The following CTNNA3 variants were observed in gnomAD, a reference collection of about 807,000 sequenced individuals.
The protein encoded by CTNNA3 is catenin alpha 3, also known as catenin alpha-3.
A neutral mutation model predicts 95.7 loss-of-function variants in CTNNA3; 76 were observed. That is an observed-to-expected ratio of 0.79 (90% CI 0.66 to 0.96). The LOEUF is 0.96. Ranked by LOEUF, CTNNA3 falls within the 40% of genes least tolerant of loss-of-function variation. The probability of loss-of-function intolerance (pLI) is 0.00; values close to 1 mark genes in which losing one functional copy is unlikely to be tolerated. For missense variants in CTNNA3, 1,191 were observed against 1,089.8 expected (o/e 1.09, Z -1.31); for synonymous variants, 431 against 374.4 (o/e 1.15, Z -1.74).
At chr10:66,736,707 A>G (rs1372027893) in intron 9 of CTNNA3, among the ~76,000 whole-genome samples, 2 of 151,972 alleles carry the variant, frequency 1.3e-5, no homozygotes, top group Non-Finnish European at 2.9e-5. Flanking sequence ...TATTTACAAT[A>G]TATATTTTAA....
chr10:67,390,324 C>G (rs1298872462), intron 5 of CTNNA3, among the ~76,000 whole-genome samples: 1 of 152,058 alleles, frequency 6.6e-6, no homozygotes, highest in Non-Finnish European at 1.5e-5. Flanking sequence ...ATAAATTCCT[C>G]GACACATACA....
At chr10:67,168,793 A>G (rs1317484587) in intron 7 of CTNNA3, among the ~76,000 whole-genome samples, 1 of 152,208 alleles carries the variant, frequency 6.6e-6, no homozygotes, top group Non-Finnish European at 1.5e-5. Context: ...CAATCACGCA[A>G]GAGAAAGAAA....
At chr10:67,235,517 G>C (rs1335145632) in intron 5 of CTNNA3, among the ~76,000 whole-genome samples, 1 of 150,248 alleles carries the variant, frequency 6.7e-6, no homozygotes, top group African/African-American at 2.5e-5. Context: ...ATCAATTCAA[G>C]ATGGATTAAA....
intron 13 of CTNNA3, among the ~76,000 whole-genome samples, chr10:66,218,696 T>C (rs909828303): frequency 6.6e-6 from 1 of 152,222 alleles, no homozygotes; most frequent in Non-Finnish European, 1.5e-5. Flanking sequence ...ACAGCAAATA[T>C]ATATTTTGAC....
chr10:67,485,846 A>G lies in CTNNA3; in HGVS notation c.579+35996T>C, dbSNP rs540615351. Among the ~76,000 whole-genome samples the G allele has an allele frequency of 4.6e-5, 7 of 152,308 alleles. No individual in the cohort carries two copies. In the South Asian group the frequency reaches 1.0e-3, roughly 23 times the overall value. On this transcript the variant is annotated intron_variant, in intron 5 of 17. Coordinates refer to ENST00000433211, the MANE Select transcript of CTNNA3 (RefSeq NM_013266.4). Reference sequence around the variant, plus strand: ...GAAAAGCTTTCCTTCAAATAAGTCAACTAGACGTCTCTTCCTTTTAAAGCC... The same window carrying G: ...GAAAAGCTTTCCTTCAAATAAGTCAGCTAGACGTCTCTTCCTTTTAAAGCC...
rs188405091 is a variant in CTNNA3, at chr10:66,500,492, T to A, written c.1531+20125A>T. Reference sequence around the variant, plus strand: ...AATTTTAAATAAGTAGATTTTCTGATCTAGTTTAAGAAGAAAGGGTCAAGT... The same window carrying A: ...AATTTTAAATAAGTAGATTTTCTGAACTAGTTTAAGAAGAAAGGGTCAAGT... On this transcript the variant is annotated intron_variant, in intron 11 of 17. Transcript: ENST00000433211. 2.6e-5 allele frequency among the ~76,000 whole-genome samples: 4 copies of A among 152,286 alleles called. No individual in the cohort carries two copies. In the East Asian group the frequency reaches 7.7e-4, roughly 29 times the overall value.
chr10:67,665,629 A>G (rs888605390), intron 1 of CTNNA3: 1 of 152,182 alleles, frequency 6.6e-6, no homozygotes, highest in African/African-American at 2.4e-5. Context: ...TGCCACTATC[A>G]TGGCTCACAA....
At chr10:66,238,038 G>A (rs4745893) in intron 13 of CTNNA3, among the ~76,000 whole-genome samples, 122,780 of 151,958 alleles carry the variant, frequency 0.81, 49,926 homozygotes, top group South Asian at 0.94. Flanking sequence ...TCAAATTCAT[G>A]CTACTTGAAG....
rs1370188504 is a variant in CTNNA3 at position 66,851,564 on chromosome 10, A to G, written c.1048-76040T>C. ...ATCCGCGTGGTGCTCTACTCATGAT[A>G]GTGAGTTCTCATGAGATCTGGCTGT... On this transcript the variant is annotated intron_variant, in intron 7 of 17. Coordinates refer to ENST00000433211, the MANE Select transcript of CTNNA3 (RefSeq NM_013266.4). 2.0e-5 allele frequency among the ~76,000 whole-genome samples: 3 copies of G among 151,304 alleles called. No homozygotes were observed. The South Asian group carries it at 6.2e-4, about 32-fold the overall frequency.
At chr10:66,255,321 T>C (rs2090724819) in intron 13 of CTNNA3, among the ~76,000 whole-genome samples, 1 of 152,190 alleles carries the variant, frequency 6.6e-6, no homozygotes. Context: ...TATAGTGCCG[T>C]ATCTAAACCC....
chr10:67,647,778 C>G (rs1461770173), intron 1 of CTNNA3, among the ~76,000 whole-genome samples: 2 of 152,190 alleles, frequency 1.3e-5, no homozygotes, highest in Non-Finnish European at 2.9e-5. Context: ...AAATTAACAA[C>G]TCATCCGGGG....
At chr10:66,352,523 C>T (rs545063111) in intron 12 of CTNNA3, among the ~76,000 whole-genome samples, 12 of 152,164 alleles carry the variant, frequency 7.9e-5, no homozygotes, top group African/African-American at 2.2e-4. Flanking sequence ...CACTGCATTG[C>T]GATAGGGCCT....
chr10:67,713,957 A>T (rs903135460), intron 1 of CTNNA3, among the ~76,000 whole-genome samples: 1 of 121,746 alleles, frequency 8.2e-6, no homozygotes, highest in South Asian at 2.6e-4. Context: ...TAAAATTAAA[A>T]AAAAAAAAGA....
At chr10:66,106,165 C>T (rs2081896353) in intron 13 of CTNNA3, among the ~76,000 whole-genome samples, 1 of 151,108 alleles carries the variant, frequency 6.6e-6, no homozygotes, top group Non-Finnish European at 1.5e-5. Context: ...CGAGATCGCG[C>T]CATTGCACTC....
intron 5 of CTNNA3, among the ~76,000 whole-genome samples, chr10:67,312,133 C>G (rs1453122534): frequency 6.7e-6 from 1 of 149,896 alleles, no homozygotes; most frequent in Non-Finnish European, 1.5e-5. Flanking sequence ...AGTGCAGTGG[C>G]ACAATCTCGG....
chr10:67,457,017 G>A (rs1278232858), intron 5 of CTNNA3, among the ~76,000 whole-genome samples: 1 of 152,032 alleles, frequency 6.6e-6, no homozygotes, highest in African/African-American at 2.4e-5. Flanking sequence ...AAGCATCCAG[G>A]GTAAGCCAGT....
intron 5 of CTNNA3, among the ~76,000 whole-genome samples, chr10:67,436,003 C>T (rs1237171986): frequency 6.6e-6 from 1 of 152,036 alleles, no homozygotes; most frequent in Non-Finnish European, 1.5e-5. Flanking sequence ...CAAAAAAGAG[C>T]CTGCATAGCC....
intron 11 of CTNNA3, among the ~76,000 whole-genome samples, chr10:66,422,874 C>T (rs1564947866): frequency 3.2e-5 from 2 of 63,006 alleles, no homozygotes; most frequent in African/African-American, 1.5e-4. Flanking sequence ...AAGTGATCCA[C>T]CTCCCTCGGC....
At chr10:67,708,031 G>T (rs1198740542) in intron 1 of CTNNA3, among the ~76,000 whole-genome samples, 1 of 152,100 alleles carries the variant, frequency 6.6e-6, no homozygotes, top group African/African-American at 2.4e-5. Flanking sequence ...GTCAGTCCGG[G>T]TGAATTTAGT....
Sources: allele counts gnomAD v4.1 joint callset (sites outside exome capture counted in the v4.1 genomes callset), GRCh38; gene constraint gnomAD v4.1.1; transcripts MANE v1.5; gene names NCBI Gene and HGNC (gene_info 2026-07-23, HGNC 2026-07-21).